Variants in GFRA1 observed in about 807,000 individuals in gnomAD.
GFRA1 encodes the protein GDNF family receptor alpha 1.
A neutral mutation model predicts 51.6 loss-of-function variants in GFRA1; 16 were observed. That is an observed-to-expected ratio of 0.31 (90% CI 0.21 to 0.47). The LOEUF is 0.47. Ranked by LOEUF, GFRA1 falls within the 20% of genes least tolerant of loss-of-function variation. The pLI, the probability that GFRA1 is intolerant of heterozygous loss-of-function variation, is 1.00. For missense variants in GFRA1, 530 were observed against 594.3 expected, an observed-to-expected ratio of 0.89 and a Z score of 1.13; for synonymous variants, 270 against 241.3, an observed-to-expected ratio of 1.12 and a Z score of -1.10.
chr10:116,263,353 G>A (rs965795018), intron 4 of GFRA1, among the ~76,000 whole-genome samples: 3 of 152,138 alleles, frequency 2.0e-5, no homozygotes, highest in African/African-American at 7.2e-5. Flanking sequence ...GCACTATACT[G>A]GATATTTTAC....
At chr10:116,244,612 TAGA>T (rs1198314403) in intron 4 of GFRA1, among the ~76,000 whole-genome samples, 2 of 151,392 alleles carry the variant, frequency 1.3e-5, no homozygotes, top group Non-Finnish European at 1.5e-5. Context: ...CAACAAAACA[TAGA>T]AGGAGAGAGG....
intron 4 of GFRA1, among the ~76,000 whole-genome samples, chr10:116,264,407 G>C (rs1969509131): frequency 4.7e-4 from 1 of 2,122 alleles, no homozygotes; most frequent in Non-Finnish European, 0.025. Flanking sequence ...TGCCGGCTCA[G>C]GATCAAGAAA....
At chr10:116,271,414 G>C (rs1040153788) in intron 2 of GFRA1, among the ~76,000 whole-genome samples, 1 of 152,080 alleles carries the variant, frequency 6.6e-6, no homozygotes, top group African/African-American at 2.4e-5. Flanking sequence ...CTCCGCCCCG[G>C]GGCATCCTGG....
intron 5 of GFRA1, among the ~76,000 whole-genome samples, chr10:116,134,807 C>CA (rs1461980836): frequency 1.3e-5 from 2 of 152,132 alleles, no homozygotes; most frequent in Non-Finnish European, 2.9e-5. Flanking sequence ...TAGCCTTATC[C>CA]ATTAGCGCTT....
At chr10:116,245,807 A>C (rs977680541) in intron 4 of GFRA1, among the ~76,000 whole-genome samples, 2 of 152,214 alleles carry the variant, frequency 1.3e-5, no homozygotes, top group African/African-American at 4.8e-5. Flanking sequence ...CCTTAAGTGC[A>C]TATTATTAGA....
chr10:116,221,545 C>T (rs929687532), intron 4 of GFRA1, among the ~76,000 whole-genome samples: 3 of 152,114 alleles, frequency 2.0e-5, no homozygotes, highest in African/African-American at 7.2e-5. Context: ...ATGTCTCAGC[C>T]TCCCAAGTAG....
intron 6 of GFRA1, 53 bp downstream of exon 6, chr10:116,125,167 CG>C (rs1165221807): frequency 1.4e-5 from 20 of 1,467,338 alleles, no homozygotes; most frequent in African/African-American, 2.8e-5. Flanking sequence ...CCGAAGCAGC[CG>C]CCAAGACTTT....
intron 6 of GFRA1, among the ~76,000 whole-genome samples, chr10:116,110,461 T>C (rs769490442): frequency 6.6e-6 from 1 of 152,162 alleles, no homozygotes; most frequent in Non-Finnish European, 1.5e-5. Context: ...CCCTCATGGG[T>C]TGGTAATAAA....
intron 5 of GFRA1, among the ~76,000 whole-genome samples, chr10:116,127,984 G>C (rs143637687): frequency 1.1e-3 from 166 of 152,286 alleles, no homozygotes; most frequent in African/African-American, 3.8e-3. Flanking sequence ...GGCTAAAAGG[G>C]AAAGAACAGA....
chr10:116,107,194 G>C (rs901680396), intron 6 of GFRA1, among the ~76,000 whole-genome samples: 3 of 152,112 alleles, frequency 2.0e-5, no homozygotes, highest in Admixed American at 2.0e-4. Context: ...TTCCTGGTAG[G>C]GTTAAATATA....
At chr10:116,234,995 C>A (rs1312546915) in intron 4 of GFRA1, among the ~76,000 whole-genome samples, 2 of 152,216 alleles carry the variant, frequency 1.3e-5, no homozygotes, top group Non-Finnish European at 2.9e-5. Flanking sequence ...AACGTATTTG[C>A]TTCCCCTTCT....
intron 5 of GFRA1, among the ~76,000 whole-genome samples, chr10:116,204,836 G>A (rs1964605974): frequency 6.6e-6 from 1 of 152,128 alleles, no homozygotes; most frequent in Non-Finnish European, 1.5e-5. Context: ...ATGTAGATAG[G>A]CAACCCTCAA....
intron 5 of GFRA1, among the ~76,000 whole-genome samples, chr10:116,127,198 G>T (rs924504799): frequency 6.6e-6 from 1 of 152,114 alleles, no homozygotes. Flanking sequence ...ACACTGTGCC[G>T]ATTGTTATCA....
intron 4 of GFRA1, among the ~76,000 whole-genome samples, chr10:116,251,121 C>CT (rs1272603135): frequency 1.3e-5 from 2 of 152,226 alleles, no homozygotes; most frequent in Non-Finnish European, 2.9e-5. Context: ...CTTCAGAGTA[C>CT]TGACTGCTAT....
chr10:116,128,192 A>G lies in GFRA1; in HGVS notation c.434-2635T>C, dbSNP rs568464653. ...ACCAATTTAGTTTCAGCAAAATAAT[A>G]TTATCTCTTACACTCAATTAATGTT... On this transcript the variant is annotated intron_variant, in intron 5 of 10. Coordinates refer to ENST00000355422, the MANE Select transcript of GFRA1 (RefSeq NM_005264.8). Among the ~76,000 whole-genome samples, 4 of 152,290 alleles carry G rather than the reference A, an allele frequency of 2.6e-5. No individual in the cohort carries two copies. In the East Asian group the frequency reaches 5.8e-4, roughly 22 times the overall value.
At chr10:116,163,828 G>C (rs1019332482) in intron 5 of GFRA1, among the ~76,000 whole-genome samples, 4 of 152,206 alleles carry the variant, frequency 2.6e-5, no homozygotes, top group African/African-American at 7.2e-5. Flanking sequence ...TCCACTCATT[G>C]AGGGGTTCTA....
intron 8 of GFRA1, 125 bp from the exon 9 acceptor site, chr10:116,090,047 G>A (rs1435183034): frequency 3.1e-5 from 28 of 892,930 alleles, no homozygotes; most frequent in African/African-American, 4.9e-5. Flanking sequence ...TGAACAAAAC[G>A]CATCCATCCA....
intron 6 of GFRA1, 30 bp from the exon 7 acceptor site, chr10:116,096,794 GA>G (rs1279817486): frequency 8.1e-7 from 1 of 1,238,652 alleles, no homozygotes; most frequent in Non-Finnish European, 1.2e-6. Flanking sequence ...GTGGGGGGTG[GA>G]AATGTGCTTT....
chr10:116,085,351 AT>A (rs778634339), intron 9 of GFRA1, among the ~76,000 whole-genome samples: 32 of 152,334 alleles, frequency 2.1e-4, no homozygotes, highest in Middle Eastern at 3.4e-3. Context: ...ATTTTAAAAT[AT>A]TACAAGAGGG....
Sources: allele counts gnomAD v4.1 joint callset (sites outside exome capture counted in the v4.1 genomes callset), GRCh38; gene constraint gnomAD v4.1.1; transcripts MANE v1.5; gene names NCBI Gene and HGNC (gene_info 2026-07-23, HGNC 2026-07-21).